Variants in PWWP2A observed in about 807,000 individuals in gnomAD.
PWWP2A encodes the protein PWWP domain-containing protein 2A.
In PWWP2A, 18 loss-of-function variants were observed where a neutral mutation model predicts 48.5. The observed-to-expected ratio is 0.37, with a 90% CI of 0.26 to 0.55. The LOEUF is 0.55. Ranked by LOEUF, PWWP2A falls within the 20% of genes least tolerant of loss-of-function variation. The pLI is 0.81. For synonymous variants in PWWP2A, 396 were observed against 387.7 expected (o/e 1.02, Z -0.25); for missense variants, 867 against 976.4 (o/e 0.89, Z 1.49).
intron 2 of PWWP2A, among the ~76,000 whole-genome samples, chr5:160,069,812 G>A (rs1753700176): frequency 6.6e-6 from 1 of 152,214 alleles, no homozygotes; most frequent in African/African-American, 2.4e-5. Context: ...TGGCATGTAA[G>A]CGTTTGTCTC....
downstream of PWWP2A, among the ~76,000 whole-genome samples, chr5:160,088,321 CTCTCG>C (rs1339728692): frequency 1.3e-5 from 2 of 152,134 alleles, no homozygotes; most frequent in African/African-American, 4.8e-5. Flanking sequence ...CTGACTCAGC[CTCTCG>C]AGTTCAAGCA....
At chr5:160,100,969 T>C (rs2546369) in intron 1 of PWWP2A, among the ~76,000 whole-genome samples, 91,186 of 152,126 alleles carry the variant, frequency 0.6, 27,324 homozygotes, top group East Asian at 0.62. Context: ...TCTACTGACA[T>C]ATGAAAGGAC....
At chr5:160,105,401 G>A (rs1229653948) in intron 1 of PWWP2A, among the ~76,000 whole-genome samples, 2 of 151,552 alleles carry the variant, frequency 1.3e-5, no homozygotes, top group Non-Finnish European at 2.9e-5. Flanking sequence ...AGCCGGGCAC[G>A]GAGGCACACG....
At chr5:160,085,576 G>A (rs1211151497) in intron 2 of PWWP2A, among the ~76,000 whole-genome samples, 1 of 147,262 alleles carries the variant, frequency 6.8e-6, no homozygotes, top group Non-Finnish European at 1.5e-5. Flanking sequence ...GCGCGATCTC[G>A]GCTCACTGCA....
chr5:160,109,713 C>T (rs1581260782), intron 1 of PWWP2A, among the ~76,000 whole-genome samples: 1 of 105,196 alleles, frequency 9.5e-6, no homozygotes, highest in Non-Finnish European at 2.0e-5. Context: ...TCCTGAGGGA[C>T]AATAACTATT....
chr5:160,089,017 C>T (rs1754859232), downstream of PWWP2A, among the ~76,000 whole-genome samples: 2 of 152,134 alleles, frequency 1.3e-5, no homozygotes, highest in South Asian at 4.1e-4. Flanking sequence ...AGTATCAGTT[C>T]CCTGTTCTTT....
intron 2 of PWWP2A, among the ~76,000 whole-genome samples, chr5:160,082,556 CA>C (rs779769327): frequency 4.1e-4 from 63 of 152,288 alleles, no homozygotes; most frequent in Non-Finnish European, 7.5e-4. Flanking sequence ...CAAGGAGAGT[CA>C]AGATGTATCA....
the PWWP2A span, chr5:160,051,289 AC>A: frequency 1.2e-6 from 1 of 852,716 alleles, no homozygotes; most frequent in Non-Finnish European, 1.8e-6. Flanking sequence ...TTCGGACTCT[AC>A]CACAAGGCTA....
At chr5:160,081,883 T>C (rs571339271) in intron 2 of PWWP2A, among the ~76,000 whole-genome samples, 1 of 152,334 alleles carries the variant, frequency 6.6e-6, no homozygotes, top group South Asian at 2.1e-4. Context: ...ATTCAGTCTT[T>C]ATAATTGTTT....
the PWWP2A span, chr5:160,049,411 C>T: frequency 8.8e-7 from 1 of 1,138,400 alleles, no homozygotes; most frequent in East Asian, 2.8e-5. Context: ...AATGACTCTT[C>T]CTTTCGTATC....
chr5:160,067,045 A>G (rs1314309917), intron 2 of PWWP2A, among the ~76,000 whole-genome samples: 2 of 152,278 alleles, frequency 1.3e-5, no homozygotes, highest in African/African-American at 4.8e-5. Context: ...CTCTAAAAAA[A>G]AGTTTTACTG....
intron 1 of PWWP2A, among the ~76,000 whole-genome samples, chr5:160,102,397 CAAAAAAAAAAAA>C (rs70988002): frequency 1.6e-5 from 1 of 64,220 alleles, no homozygotes; most frequent in Non-Finnish European, 2.9e-5. Flanking sequence ...GACTCCATCT[CAAAAAAAAAAAA>C]AAAAAAAAAA....
chr5:160,100,805 T>C (rs1756195340), intron 1 of PWWP2A, among the ~76,000 whole-genome samples: 3 of 152,070 alleles, frequency 2.0e-5, no homozygotes, highest in Admixed American at 2.0e-4. Flanking sequence ...AAAAATGAAA[T>C]AGCTAAATGC....
downstream of PWWP2A, among the ~76,000 whole-genome samples, chr5:160,073,099 T>C (rs1171251936): frequency 6.6e-6 from 1 of 151,978 alleles, no homozygotes; most frequent in African/African-American, 2.4e-5. Context: ...GTGAGATGGA[T>C]TTCTACACCT....
At chr5:160,112,252 T>G (rs112361449) in intron 1 of PWWP2A, among the ~76,000 whole-genome samples, 1,936 of 151,990 alleles carry the variant, frequency 0.013, 46 homozygotes, top group African/African-American at 0.044. Flanking sequence ...AAAGAGCCTC[T>G]CTCTGTCATC....
At position 160,092,598 on chromosome 5, in the gene PWWP2A, G is replaced by A. The variant is rs773477249; in HGVS notation, c.2052C>T (p.Gly684=). 10 of 1,551,690 alleles carry A rather than the reference G, an allele frequency of 6.4e-6. No homozygotes were observed. Among genetic ancestry groups the A allele is most frequent in the Non-Finnish European group, 8.7e-6 (10 of 1,146,992 alleles). ...TACGGGCCTCCTGTCGGACTAAAAGGCCGTTATCTTTCCGGCTCACAGTTA... is the reference window on the plus strand; with the variant it reads ...TACGGGCCTCCTGTCGGACTAAAAGACCGTTATCTTTCCGGCTCACAGTTA... ...LTITVSRKDN[G]LLVRQEARIS... The change falls in exon 2 of 2, where the codon GGC becomes GGT. Residue 684 remains glycine, a synonymous_variant. Transcript: ENST00000307063.
chr5:160,118,884 T>A lies in PWWP2A; in HGVS notation c.505A>T (p.Ile169Phe). 6.3e-7 allele frequency: 1 copy of A among 1,599,210 alleles called. No homozygotes were observed. The highest frequency in any genetic ancestry group is 8.5e-7 in the Non-Finnish European group (1 of 1,174,196). ...GACACGACAAGCGCGTCCTCAATGATGTGGTCCAGCGTGACCCGCACCTCC... is the reference window on the plus strand; with the variant it reads ...GACACGACAAGCGCGTCCTCAATGAAGTGGTCCAGCGTGACCCGCACCTCC... ...GSEVRVTLDHIIEDALVVSFR... is the reference protein window; with the variant it reads ...GSEVRVTLDHFIEDALVVSFR... Residue 169 changes from isoleucine (I) to phenylalanine (F), a missense_variant, in exon 1 of 2, where the codon ATC (isoleucine) becomes TTC (phenylalanine). Physicochemically the swap from Ile to Phe is conservative, Grantham distance 21. This residue lies in a region of PWWP2A where 385 missense variants were observed against 396.9 expected (regional missense o/e 0.97). Coordinates refer to ENST00000307063, the MANE Select transcript of PWWP2A (RefSeq NM_001130864.2).
chr5:160,107,912 A>T (rs1307383639), intron 1 of PWWP2A, among the ~76,000 whole-genome samples: 1 of 152,094 alleles, frequency 6.6e-6, no homozygotes, highest in Non-Finnish European at 1.5e-5. Context: ...GAGGCACAAG[A>T]ATTGTTTGAA....
At chr5:160,073,385 C>T (rs938890075), downstream of PWWP2A, among the ~76,000 whole-genome samples, 1 of 151,882 alleles carries the variant, frequency 6.6e-6, no homozygotes, top group Non-Finnish European at 1.5e-5. Flanking sequence ...CCCACCACCA[C>T]GCCCGGCTAA....
Sources: gnomAD v4.1 joint callset for allele counts (sites outside exome capture counted in the v4.1 genomes callset) on GRCh38, gnomAD v4.1.1 for gene constraint, gnomAD v4.1.1 regional missense constraint, MANE v1.5 for transcripts, NCBI Gene and HGNC (gene_info 2026-07-23, HGNC 2026-07-21) for gene names.